The following ADGRL2 variants were observed in gnomAD, a reference collection of about 807,000 sequenced individuals.
ADGRL2 encodes adhesion G protein-coupled receptor L2, also known as calcium-independent alpha-latrotoxin receptor 2.
A neutral mutation model predicts 157.4 loss-of-function variants in ADGRL2; 44 were observed. That is an observed-to-expected ratio of 0.28 (90% CI 0.22 to 0.36). The LOEUF (loss-of-function observed/expected upper bound fraction) is 0.36, where lower values mean the gene tolerates loss of function less well. ADGRL2 is among the 10% of genes least tolerant of loss of function. The pLI, the probability that ADGRL2 is intolerant of heterozygous loss-of-function variation, is 1.00. For synonymous variants in ADGRL2, 585 were observed against 624.7 expected, an observed-to-expected ratio of 0.94 and a Z score of 0.95; for missense variants, 1,510 against 1,768.9, an observed-to-expected ratio of 0.85 and a Z score of 2.63.
upstream of ADGRL2, among the ~76,000 whole-genome samples, chr1:81,699,173 C>T (rs1007787862): frequency 1.2e-4 from 18 of 152,208 alleles, no homozygotes; most frequent in African/African-American, 4.3e-4. Context: ...CAAACAGTTG[C>T]TTTAGAAAAG....
rs369081905 is a variant in ADGRL2, at chr1:81,805,007, T to C, written c.-101+3939T>C. On this transcript the variant is annotated intron_variant, in intron 1 of 23. Coordinates refer to ENST00000686636, the MANE Select transcript of ADGRL2 (RefSeq NM_001366006.2). Reference sequence around the variant, plus strand: ...CAAAAAGAAGCTTGGAAAAGTTTTTTTTAAGTGAAGATTCAAATTTTTGTG... The same window carrying C: ...CAAAAAGAAGCTTGGAAAAGTTTTTCTTAAGTGAAGATTCAAATTTTTGTG... Among the ~76,000 whole-genome samples, 22 of 152,296 alleles carry C rather than the reference T, an allele frequency of 1.4e-4. No individual in the cohort carries two copies. In the East Asian group the frequency reaches 4.2e-3, roughly 29 times the overall value.
At chr1:81,776,011 T>A (rs1294112031) in intron 2 of ADGRL2, among the ~76,000 whole-genome samples, 1 of 152,140 alleles carries the variant, frequency 6.6e-6, no homozygotes, top group African/African-American at 2.4e-5. Flanking sequence ...ACATTCTGGA[T>A]CTTTCAGATT....
chr1:81,545,515 A>G (rs540801996), intron 2 of ADGRL2, among the ~76,000 whole-genome samples: 1 of 152,192 alleles, frequency 6.6e-6, no homozygotes, highest in African/African-American at 2.4e-5. Flanking sequence ...TCCTGACCTC[A>G]AGTGATCTGC....
intron 1 of ADGRL2, among the ~76,000 whole-genome samples, chr1:81,442,264 C>A (rs1370607035): frequency 6.6e-6 from 1 of 152,168 alleles, no homozygotes; most frequent in Non-Finnish European, 1.5e-5. Context: ...CAAAAATCAA[C>A]CATTACTCAA....
At chr1:81,634,327 C>A (rs912436560) in intron 3 of ADGRL2, among the ~76,000 whole-genome samples, 1 of 152,120 alleles carries the variant, frequency 6.6e-6, no homozygotes, top group African/African-American at 2.4e-5. Flanking sequence ...CCACAGTGAT[C>A]TTTCCGAAGC....
At chr1:81,722,180 C>T in intron 1 of ADGRL2, 2 of 367,256 alleles carry the variant, frequency 5.4e-6, no homozygotes, top group Non-Finnish European at 1.0e-5. Context: ...GTAGTCCCAG[C>T]TGCTCGGGAG....
rs141010090 is a variant in ADGRL2 at position 81,352,550 on chromosome 1, G to A, written c.-302+46041G>A. On this transcript the variant is annotated intron_variant, in intron 1 of 24. Coordinates refer to the ADGRL2 transcript ENST00000370721. ...GGTAAGCAAGATAATCTTGGAAAAT[G>A]AAAAATTTTGTTGTACCTCGAAATT... 4.1e-3 allele frequency among the ~76,000 whole-genome samples: 626 copies of A among 152,230 alleles called. 3 individuals carry two copies. The highest frequency in any genetic ancestry group is 0.014 in the African/African-American group (600 of 41,552).
intron 2 of ADGRL2, chr1:81,505,202 A>T (rs1570313497): frequency 5.2e-6 from 1 of 191,496 alleles, no homozygotes; most frequent in Non-Finnish European, 8.3e-6. Context: ...CCACTCCCAC[A>T]CACACACACA....
chr1:81,827,267 T>C (rs1233962908), intron 1 of ADGRL2, among the ~76,000 whole-genome samples: 1 of 152,206 alleles, frequency 6.6e-6, no homozygotes, highest in African/African-American at 2.4e-5. Flanking sequence ...ATCTGGGATA[T>C]ATCCAGTATT....
At chr1:81,778,183 A>G (rs1557643433) in intron 2 of ADGRL2, among the ~76,000 whole-genome samples, 1 of 145,876 alleles carries the variant, frequency 6.9e-6, no homozygotes. Flanking sequence ...TTAGCCAAGC[A>G]TGGTGGCGGG....
chr1:81,631,038 C>G (rs11163344), intron 3 of ADGRL2, among the ~76,000 whole-genome samples: 38,100 of 151,832 alleles, frequency 0.25, 5,831 homozygotes, highest in African/African-American at 0.41. Flanking sequence ...AAAAATCTAA[C>G]TTATTCTCAT....
intron 1 of ADGRL2, among the ~76,000 whole-genome samples, chr1:81,324,032 A>C (rs1268238263): frequency 2.0e-5 from 3 of 152,170 alleles, no homozygotes; most frequent in Non-Finnish European, 2.9e-5. Flanking sequence ...AAGCAGAGTG[A>C]GGCAGGAAGA....
At chr1:81,683,445 C>T (rs994287273) in intron 3 of ADGRL2, among the ~76,000 whole-genome samples, 2 of 152,080 alleles carry the variant, frequency 1.3e-5, no homozygotes, top group Non-Finnish European at 2.9e-5. Flanking sequence ...CCCTTGCCTC[C>T]CTCCCACTCT....
chr1:81,612,036 C>T (rs2081552321), intron 3 of ADGRL2, among the ~76,000 whole-genome samples: 1 of 152,110 alleles, frequency 6.6e-6, no homozygotes, highest in African/African-American at 2.4e-5. Flanking sequence ...CCCAGCCATA[C>T]CAAATTATGA....
chr1:81,817,404 A>G (rs1274992174), intron 1 of ADGRL2, among the ~76,000 whole-genome samples: 3 of 151,954 alleles, frequency 2.0e-5, no homozygotes, highest in Non-Finnish European at 4.4e-5. Flanking sequence ...AGTCTTCTTC[A>G]TCACAAGAGA....
At chr1:81,593,250 A>G (rs2081168258) in intron 3 of ADGRL2, among the ~76,000 whole-genome samples, 3 of 152,164 alleles carry the variant, frequency 2.0e-5, no homozygotes, top group Non-Finnish European at 4.4e-5. Flanking sequence ...CAAATAGCTC[A>G]AAGTTCTCCT....
At position 81,500,054 on chromosome 1, in the gene ADGRL2, T is replaced by G. The variant is rs537337275; in HGVS notation, c.-248+54965T>G. Among the ~76,000 whole-genome samples the G allele has an allele frequency of 1.2e-3, 186 of 152,318 alleles. 1 individual carries two copies. The highest frequency in any genetic ancestry group is 2.3e-3 in the Non-Finnish European group (154 of 68,032). ...CAGTGTCAGTCACTTAGGAATCATA[T>G]TGCCAGAGTTTTGTATGGAATGCAA... On this transcript the variant is annotated intron_variant, in intron 2 of 24. Transcript: ENST00000370721.
intron 1 of ADGRL2, among the ~76,000 whole-genome samples, chr1:81,746,938 A>G (rs1228894596): frequency 1.4e-5 from 2 of 147,214 alleles, no homozygotes; most frequent in Non-Finnish European, 3.0e-5. Context: ...ATACACACGT[A>G]TACACATGTA....
At chr1:81,376,280 T>C (rs1029793139) in intron 1 of ADGRL2, among the ~76,000 whole-genome samples, 3 of 152,090 alleles carry the variant, frequency 2.0e-5, no homozygotes, top group African/African-American at 7.2e-5. Context: ...TCGCTTTTAC[T>C]TTTCACACTT....
Sources: allele counts gnomAD v4.1 joint callset (sites outside exome capture counted in the v4.1 genomes callset), GRCh38; gene constraint gnomAD v4.1.1; transcripts MANE v1.5; gene names NCBI Gene and HGNC (gene_info 2026-07-23, HGNC 2026-07-21).